EXD2: variants seen among roughly 807,000 people sequenced by gnomAD.
EXD2 encodes exonuclease 3'-5' domain containing 2, also known as exonuclease 3'-5' domain-containing protein 2.
In EXD2, 40 loss-of-function variants were observed where a neutral mutation model predicts 62.5. That is an observed-to-expected ratio of 0.64 (90% CI 0.50 to 0.83). The LOEUF is 0.83. Among genes scored for constraint, EXD2 ranks in the 40% least tolerant of loss-of-function variants. EXD2 has a pLI of 0.00. For missense variants in EXD2, 671 were observed against 761.8 expected (o/e 0.88, Z 1.40); for synonymous variants, 239 against 291.9 (o/e 0.82, Z 1.85).
Position 69,237,735 on chromosome 14 carries a change from A to G in EXD2, c.1453A>G (p.Ile485Val), listed in dbSNP as rs1366258016. ...GCTGGCCAAGGAGTTCCAGGCCCCCATCGGCTCTGAGGAGGGCTTGCGCCT... is the reference window on the plus strand; with the variant it reads ...GCTGGCCAAGGAGTTCCAGGCCCCCGTCGGCTCTGAGGAGGGCTTGCGCCT... ...QQLAKEFQAP[I>V]GSEEGLRLLE... Residue 485 changes from isoleucine to valine, a missense_variant, in exon 9 of 10, where the codon ATC becomes GTC. Ile to Val is a conservative substitution (Grantham distance 29). Transcript: ENST00000685843. The G allele has an allele frequency of 6.2e-6, 10 of 1,613,924 alleles. No homozygotes were observed. In the East Asian group the frequency reaches 1.6e-4, roughly 25 times the overall value.
chr14:69,231,327 C>T lies in EXD2; in HGVS notation c.717+729C>T, dbSNP rs796875672. 1.3e-4 allele frequency among the ~76,000 whole-genome samples: 20 copies of T among 152,014 alleles called. 1 individual carries two copies. Among genetic ancestry groups the T allele is most frequent in the African/African-American group, 4.6e-4 (19 of 41,462 alleles). On this transcript the variant is annotated intron_variant, in intron 5 of 9. Coordinates refer to ENST00000685843, the MANE Select transcript of EXD2 (RefSeq NM_001193360.2). ...ATTATACTTCTAAATTACATGCATG[C>T]GTTATTCTTTCTTATTTATTTATAT...
In EXD2 at chr14:69,243,074, A is replaced by G. The variant is rs1461928077; in HGVS notation, c.*1974A>G. 2 of 152,210 alleles carry G rather than the reference A, an allele frequency of 1.3e-5. No individual in the cohort carries two copies. The highest frequency in any genetic ancestry group is 1.3e-4 in the Admixed American group (2 of 15,284). 9.4% of individuals were successfully genotyped at this position (152,210 alleles called of 1,614,324 possible). On this transcript the variant is annotated 3_prime_UTR_variant, in exon 10 of 10. Coordinates refer to ENST00000685843, the MANE Select transcript of EXD2 (RefSeq NM_001193360.2). ...CGCAGTAAAATAGAGCCAGCAGCAA[A>G]GTAGAGGAAAAAGCCAGACTGCGTC... is the stretch of plus-strand genomic sequence containing the variant.
At chr14:69,225,017 T>G (rs1015130991) in intron 3 of EXD2, among the ~76,000 whole-genome samples, 4 of 152,152 alleles carry the variant, frequency 2.6e-5, no homozygotes, top group Non-Finnish European at 5.9e-5. Flanking sequence ...ACCTACATGC[T>G]CTTAAGGTCT....
intron 5 of EXD2, among the ~76,000 whole-genome samples, chr14:69,233,595 G>A (rs981318445): frequency 6.6e-6 from 1 of 150,772 alleles, no homozygotes; most frequent in Non-Finnish European, 1.5e-5. Flanking sequence ...GCGTGCCACC[G>A]CGCCCAGCTG....
chr14:69,235,616 G>A, intron 6 of EXD2: 1 of 266,576 alleles, frequency 3.8e-6, no homozygotes, highest in Non-Finnish European at 7.2e-6. Context: ...TTAATTGGAT[G>A]ATTAAATTGA....
chr14:69,235,804 A>G (rs2043761660), intron 6 of EXD2: 1 of 505,670 alleles, frequency 2.0e-6, no homozygotes, highest in Non-Finnish European at 3.6e-6. Flanking sequence ...CACACTCCCT[A>G]ATGTCCTAGT....
In EXD2 at chr14:69,234,876, C is replaced by T. The variant is rs2043716473; in HGVS notation, c.894C>T (p.Ser298=). 6.2e-7 allele frequency: 1 copy of T among 1,614,038 alleles called. No homozygotes were observed. ...TCCCATTTCGAAGCAAAGGAATGAG[C>T]AGATTGGGAGAAGAGGTTAATGGGG... The part of the protein sequence containing the change: ...VDIPFRSKGM[S]RLGEEVNGEA... The change falls in exon 6 of 10, where the codon AGC becomes AGT. Residue 298 remains serine, a synonymous_variant. Coordinates refer to ENST00000685843, the MANE Select transcript of EXD2 (RefSeq NM_001193360.2).
chr14:69,199,287 T>C (rs147625859), intron 1 of EXD2, among the ~76,000 whole-genome samples: 24 of 152,330 alleles, frequency 1.6e-4, no homozygotes, highest in Admixed American at 2.6e-4. Context: ...GTATCTACCA[T>C]GCATGGAGCT....
Position 69,241,740 on chromosome 14 carries a change from A to G in EXD2, c.*640A>G, listed in dbSNP as rs1181973539. ...CAGCAACTTCCTGCCACACACTTCC[A>G]CCCTATCACTGGGAGAAATCCTTTT... On this transcript the variant is annotated 3_prime_UTR_variant, in exon 10 of 10. Transcript: ENST00000685843. 1 of 397,616 alleles carries G rather than the reference A, an allele frequency of 2.5e-6. No individual in the cohort carries two copies. Among genetic ancestry groups the G allele is most frequent in the Non-Finnish European group, 4.4e-6 (1 of 225,848 alleles). 24.6% of individuals were successfully genotyped at this position (397,616 alleles called of 1,614,324 possible).
At chr14:69,228,185 C>CTTTT (rs35695329) in intron 3 of EXD2, among the ~76,000 whole-genome samples, 6 of 80,512 alleles carry the variant, frequency 7.5e-5, no homozygotes, top group Non-Finnish European at 1.1e-4. Context: ...TTTCCTTAGC[C>CTTTT]TTTTTTTTTT....
In EXD2 at chr14:69,240,960, A is replaced by G; in HGVS notation, c.1726A>G (p.Met576Val). 1 of 1,613,524 alleles carries G rather than the reference A, an allele frequency of 6.2e-7. No homozygotes were observed. Among genetic ancestry groups the G allele is most frequent in the Non-Finnish European group, 8.5e-7 (1 of 1,180,022 alleles). ...CHSQGGLRSL[M>V]QLESRWRQHF... Reference sequence around the variant, plus strand: ...CAGCCAGGGTGGCCTGCGCTCCCTCATGCAGCTGGAGAGCCGCTGGCGTCA... The same window carrying G: ...CAGCCAGGGTGGCCTGCGCTCCCTCGTGCAGCTGGAGAGCCGCTGGCGTCA... Residue 576 changes from methionine to valine, a missense_variant, in exon 10 of 10, where the codon ATG becomes GTG. Coordinates refer to ENST00000685843, the MANE Select transcript of EXD2 (RefSeq NM_001193360.2).
At chr14:69,229,584 T>C (rs936229606) in intron 4 of EXD2, among the ~76,000 whole-genome samples, 1 of 152,206 alleles carries the variant, frequency 6.6e-6, no homozygotes, top group African/African-American at 2.4e-5. Flanking sequence ...TGGCTCCTCC[T>C]AATAAGCCTT....
chr14:69,214,015 T>C (rs565349716), intron 3 of EXD2: 1 of 152,284 alleles, frequency 6.6e-6, no homozygotes, highest in African/African-American at 2.4e-5. Context: ...AACTTCATCA[T>C]TTTGAAAATG....
In EXD2 at chr14:69,236,330, G is replaced by A. The variant is rs940824421; in HGVS notation, c.1157-77G>A. The A allele has an allele frequency of 2.5e-6, 4 of 1,607,600 alleles. No individual in the cohort carries two copies. In the African/African-American group the frequency reaches 4.0e-5, roughly 16 times the overall value. On this transcript the variant is annotated intron_variant, in intron 7 of 9. Transcript: ENST00000685843. ...CTCTGCCAGGCCATAGCAGAGAACA[G>A]TGAAGGTAGTGCTGCTTCTTGGGTG...
intron 3 of EXD2, among the ~76,000 whole-genome samples, chr14:69,228,249 T>C (rs945764302): frequency 2.2e-5 from 3 of 137,922 alleles, no homozygotes; most frequent in Admixed American, 1.7e-4. Context: ...TGGAGTGCAG[T>C]GGCGCAATCT....
At chr14:69,225,195 C>G (rs971385905) in intron 3 of EXD2, among the ~76,000 whole-genome samples, 1 of 152,172 alleles carries the variant, frequency 6.6e-6, no homozygotes, top group Non-Finnish European at 1.5e-5. Context: ...TACATAAACT[C>G]CACAGACTAG....
chr14:69,212,670 C>T (rs1566824058), intron 3 of EXD2, among the ~76,000 whole-genome samples: 1 of 149,722 alleles, frequency 6.7e-6, no homozygotes, highest in Non-Finnish European at 1.5e-5. Flanking sequence ...GTATGTGCCA[C>T]CACTGTCACT....
At chr14:69,225,179 A>T (rs2043316926) in intron 3 of EXD2, among the ~76,000 whole-genome samples, 1 of 152,196 alleles carries the variant, frequency 6.6e-6, no homozygotes, top group African/African-American at 2.4e-5. Context: ...GTCTAAATTT[A>T]ACTGATACAT....
chr14:69,221,727 C>T (rs2043188809), intron 3 of EXD2, among the ~76,000 whole-genome samples: 1 of 151,628 alleles, frequency 6.6e-6, no homozygotes, highest in Non-Finnish European at 1.5e-5. Flanking sequence ...ATGATCATGC[C>T]ACTGCACTAC....
Sources: allele counts gnomAD v4.1 joint callset (sites outside exome capture counted in the v4.1 genomes callset), GRCh38; gene constraint gnomAD v4.1.1; transcripts MANE v1.5; gene names NCBI Gene and HGNC (gene_info 2026-07-23, HGNC 2026-07-21).